Variants in PIK3CB observed in about 807,000 individuals in gnomAD.
The protein encoded by PIK3CB is phosphatidylinositol-4,5-bisphosphate 3-kinase catalytic subunit beta.
In PIK3CB, 39 loss-of-function variants were observed where a neutral mutation model predicts 136.8. The observed-to-expected ratio is 0.29, with a 90% confidence interval of 0.22 to 0.37. The LOEUF is 0.37. Among genes scored for constraint, PIK3CB ranks in the 10% least tolerant of loss-of-function variants. PIK3CB has a pLI of 1.00. For missense variants in PIK3CB, 868 were observed against 1,275.4 expected (o/e 0.68, Z 4.87); for synonymous variants, 428 against 436.6 (o/e 0.98, Z 0.25).
chr3:138,810,852 G>A lies in PIK3CB; in HGVS notation c.-121-14285C>T, dbSNP rs189459352. On this transcript the variant is annotated intron_variant, in intron 1 of 23. Transcript: ENST00000674063. ...GGAGAATGGCATGAACCCGGGAAGC[G>A]GAGCTTGCAGTGAGCCGAGATCGTG... 5.8e-3 allele frequency among the ~76,000 whole-genome samples: 877 copies of A among 151,962 alleles called. 10 individuals are homozygous for A. Among genetic ancestry groups the A allele is most frequent in the African/African-American group, 0.02 (832 of 41,458 alleles).
chr3:138,791,340 A>G (rs975590974), intron 2 of PIK3CB, among the ~76,000 whole-genome samples: 1 of 151,926 alleles, frequency 6.6e-6, no homozygotes, highest in African/African-American at 2.4e-5. Flanking sequence ...ATGGGGTTTT[A>G]CCATGTTGCC....
intron 1 of PIK3CB, among the ~76,000 whole-genome samples, chr3:138,813,432 T>A (rs1318302030): frequency 7.2e-6 from 1 of 139,008 alleles, no homozygotes; most frequent in Non-Finnish European, 1.5e-5. Context: ...CCTACTCTAT[T>A]TTTTTTTTTT....
chr3:138,706,191 T>C (rs893866243), intron 11 of PIK3CB, among the ~76,000 whole-genome samples: 3 of 152,204 alleles, frequency 2.0e-5, no homozygotes, highest in Non-Finnish European at 4.4e-5. Context: ...GGCTCAATAA[T>C]TGTGCCACTG....
chr3:138,788,997 A>AAAAAAAAAAAAC (rs1559879235), intron 2 of PIK3CB, among the ~76,000 whole-genome samples: 9 of 150,088 alleles, frequency 6.0e-5, no homozygotes, highest in African/African-American at 2.2e-4. Context: ...AAAAAACAAA[A>AAAAAAAAAAAAC]AACAACACCA....
intron 1 of PIK3CB, among the ~76,000 whole-genome samples, chr3:138,828,313 G>A (rs1182820129): frequency 2.0e-5 from 3 of 150,416 alleles, no homozygotes; most frequent in African/African-American, 2.4e-5. Flanking sequence ...AGCCTCCCGA[G>A]TAGCTGGGAT....
chr3:138,719,014 C>CTAA (rs1419497071), intron 8 of PIK3CB, among the ~76,000 whole-genome samples: 2 of 152,114 alleles, frequency 1.3e-5, no homozygotes, highest in East Asian at 3.8e-4. Context: ...AGCAATCTTT[C>CTAA]TTTAAGTCCA....
chr3:138,785,232 G>A (rs1398592213), intron 2 of PIK3CB, among the ~76,000 whole-genome samples: 1 of 151,470 alleles, frequency 6.6e-6, no homozygotes, highest in African/African-American at 2.4e-5. Flanking sequence ...GTCCCGGAGG[G>A]AGGCGGGGGG....
intron 19 of PIK3CB, among the ~76,000 whole-genome samples, chr3:138,681,187 C>G (rs781698082): frequency 6.6e-6 from 1 of 151,276 alleles, no homozygotes; most frequent in Middle Eastern, 3.4e-3. Context: ...GCTGGGAGTA[C>G]GGGCATGTGC....
chr3:138,772,207 T>C (rs1033637388), intron 2 of PIK3CB, among the ~76,000 whole-genome samples: 3 of 152,112 alleles, frequency 2.0e-5, no homozygotes, highest in Non-Finnish European at 2.9e-5. Flanking sequence ...TAGAACTGTG[T>C]TTAAAGTTAA....
intron 19 of PIK3CB, among the ~76,000 whole-genome samples, chr3:138,670,403 T>C (rs1360128092): frequency 6.6e-6 from 1 of 152,182 alleles, no homozygotes; most frequent in Non-Finnish European, 1.5e-5. Context: ...CAGCTTAAAG[T>C]TTCCCTCCTT....
intron 8 of PIK3CB, among the ~76,000 whole-genome samples, chr3:138,723,010 A>T (rs1223009297): frequency 2.6e-5 from 4 of 152,054 alleles, no homozygotes; most frequent in African/African-American, 9.7e-5. Flanking sequence ...AAAAGAAACA[A>T]GAGTAGGAAA....
At chr3:138,785,134 G>C (rs1474489837) in intron 2 of PIK3CB, among the ~76,000 whole-genome samples, 1 of 150,692 alleles carries the variant, frequency 6.6e-6, no homozygotes, top group South Asian at 2.1e-4. Flanking sequence ...CGCCCCGTCC[G>C]GGAGGGAGAT....
chr3:138,806,976 A>G lies in PIK3CB; in HGVS notation c.-121-10409T>C, dbSNP rs113077297. Among the ~76,000 whole-genome samples, 1,230 of 152,364 alleles carry G rather than the reference A, an allele frequency of 8.1e-3. 19 individuals are homozygous for G. Among genetic ancestry groups the G allele is most frequent in the African/African-American group, 0.028 (1,159 of 41,590 alleles). On this transcript the variant is annotated intron_variant, in intron 1 of 23. Transcript: ENST00000674063. ...ATAACTTTTTGCAGTAGTGCCCTCA[A>G]ATACATAAATTATATGCATACATAT...
At chr3:138,698,705 C>T (rs927174170) in intron 13 of PIK3CB, among the ~76,000 whole-genome samples, 3 of 152,118 alleles carry the variant, frequency 2.0e-5, no homozygotes, top group African/African-American at 7.2e-5. Flanking sequence ...AAAGGTATGG[C>T]AATCCTACCC....
At chr3:138,789,873 T>C (rs979826656) in intron 2 of PIK3CB, among the ~76,000 whole-genome samples, 1 of 152,062 alleles carries the variant, frequency 6.6e-6, no homozygotes, top group South Asian at 2.1e-4. Flanking sequence ...ATATTTTTAG[T>C]AGAGACGGGG....
chr3:138,784,857 T>C (rs544755605), intron 2 of PIK3CB, among the ~76,000 whole-genome samples: 1 of 152,142 alleles, frequency 6.6e-6, no homozygotes, highest in South Asian at 2.1e-4. Flanking sequence ...CCACCCCGTC[T>C]GGGAAGTGAG....
chr3:138,815,160 A>T (rs4894325), intron 1 of PIK3CB, among the ~76,000 whole-genome samples: 217 of 79,112 alleles, frequency 2.7e-3, no homozygotes, highest in African/African-American at 6.6e-3. Context: ...AAAAAAAAAA[A>T]AAATATATAT....
chr3:138,663,966 A>C lies in PIK3CB; in HGVS notation c.2736T>G (p.Ser912=). The C allele has an allele frequency of 6.2e-7, 1 of 1,614,122 alleles. No homozygotes were observed. Among genetic ancestry groups the C allele is most frequent in the South Asian group, 1.1e-5 (1 of 91,070 alleles). The part of the protein sequence containing the change: ...TLSCAGYCVA[S]YVLGIGDRHS... ...GTCTGTCACCAATCCCAAGGACATA[A>C]GAAGCTACACAGTAGCCAGCACAGG... Residue 912 remains serine (S), a synonymous_variant, in exon 21 of 24, where the codon TCT becomes TCG. Coordinates refer to ENST00000674063, the MANE Select transcript of PIK3CB (RefSeq NM_006219.3).
At chr3:138,818,928 T>C (rs1239984789) in intron 1 of PIK3CB, among the ~76,000 whole-genome samples, 1 of 152,176 alleles carries the variant, frequency 6.6e-6, no homozygotes, top group African/African-American at 2.4e-5. Context: ...ATGCTAATGG[T>C]AAATGCTCTG....
Sources: gnomAD v4.1 joint callset for allele counts (sites outside exome capture counted in the v4.1 genomes callset) on GRCh38, gnomAD v4.1.1 for gene constraint, MANE v1.5 for transcripts, NCBI Gene and HGNC (gene_info 2026-07-23, HGNC 2026-07-21) for gene names.